The following SNX18 variants were observed in gnomAD, a reference collection of about 807,000 sequenced individuals.
SNX18 encodes sorting nexin 18.
SNX18 carries 35 observed loss-of-function variants against 48.7 expected under a neutral mutation model. The observed-to-expected ratio is 0.72, with a 90% CI of 0.55 to 0.95. SNX18 has a LOEUF of 0.95. SNX18 is among the 40% of genes least tolerant of loss of function. The probability of loss-of-function intolerance (pLI) is 0.00; values close to 1 mark genes in which losing one functional copy is unlikely to be tolerated. For synonymous variants in SNX18, 492 were observed against 384.7 expected, an observed-to-expected ratio of 1.28 and a Z score of -3.26; for missense variants, 824 against 871.0, an observed-to-expected ratio of 0.95 and a Z score of 0.68.
chr5:54,627,778 C>G, the SNX18 span, among the ~76,000 whole-genome samples: 1 of 152,160 alleles, frequency 6.6e-6, no homozygotes, highest in African/African-American at 2.4e-5. Flanking sequence ...ACTGGCCAAG[C>G]CATGCTCCCT....
chr5:54,534,880 A>G (rs540394664), intron 1 of SNX18, among the ~76,000 whole-genome samples: 1 of 151,942 alleles, frequency 6.6e-6, no homozygotes, highest in South Asian at 2.1e-4. Context: ...GAGATTCACT[A>G]CTCTCATACT....
At chr5:54,618,033 A>T in the SNX18 span, among the ~76,000 whole-genome samples, 1 of 152,186 alleles carries the variant, frequency 6.6e-6, no homozygotes, top group Non-Finnish European at 1.5e-5. Flanking sequence ...CTCATCTTGA[A>T]TTGTAGTTTC....
the SNX18 span, among the ~76,000 whole-genome samples, chr5:54,567,674 C>G: frequency 8.6e-4 from 131 of 152,282 alleles, no homozygotes; most frequent in African/African-American, 3.0e-3. Flanking sequence ...TTGAAGCACC[C>G]AAGTGTCTGC....
At chr5:54,602,259 C>T in the SNX18 span, among the ~76,000 whole-genome samples, 1 of 152,066 alleles carries the variant, frequency 6.6e-6, no homozygotes, top group Non-Finnish European at 1.5e-5. Flanking sequence ...TCACACAGGC[C>T]GCATAATATG....
the SNX18 span, among the ~76,000 whole-genome samples, chr5:54,633,380 T>G: frequency 6.6e-6 from 1 of 152,158 alleles, no homozygotes; most frequent in Non-Finnish European, 1.5e-5. Flanking sequence ...ACTTAGATCC[T>G]GAGTCTTGGT....
At chr5:54,615,775 T>C in the SNX18 span, among the ~76,000 whole-genome samples, 3 of 152,238 alleles carry the variant, frequency 2.0e-5, no homozygotes, top group African/African-American at 7.2e-5. Flanking sequence ...ATGTTATTTG[T>C]ATCTTCAATA....
chr5:54,553,762 A>G, the SNX18 span, among the ~76,000 whole-genome samples: 1 of 152,184 alleles, frequency 6.6e-6, no homozygotes, highest in Non-Finnish European at 1.5e-5. Flanking sequence ...TTATGGCCTG[A>G]GAACCTTGTC....
the SNX18 span, among the ~76,000 whole-genome samples, chr5:54,571,324 G>A: frequency 6.6e-6 from 1 of 152,112 alleles, no homozygotes; most frequent in Admixed American, 6.5e-5. Context: ...CAGGCTTGTT[G>A]GGTTTTTTTC....
At chr5:54,531,185 G>T (rs952908790) in intron 1 of SNX18, among the ~76,000 whole-genome samples, 2 of 152,068 alleles carry the variant, frequency 1.3e-5, no homozygotes, top group African/African-American at 4.8e-5. Context: ...AGTACTCCAG[G>T]GGAAGAGTTG....
chr5:54,595,447 G>A, the SNX18 span, among the ~76,000 whole-genome samples: 21,838 of 152,050 alleles, frequency 0.14, 1,943 homozygotes, highest in South Asian at 0.21. Flanking sequence ...ATATTGGCCA[G>A]GCTGGTCTCC....
At chr5:54,646,989 T>C in the SNX18 span, among the ~76,000 whole-genome samples, 1 of 152,214 alleles carries the variant, frequency 6.6e-6, no homozygotes, top group Non-Finnish European at 1.5e-5. Context: ...TGAGGCTGCC[T>C]GTAACAAGTG....
the SNX18 span, among the ~76,000 whole-genome samples, chr5:54,555,214 G>T: frequency 1.3e-5 from 2 of 152,150 alleles, no homozygotes; most frequent in African/African-American, 4.8e-5. Context: ...CCCTGTCTTG[G>T]TTAGGTGTCC....
the SNX18 span, among the ~76,000 whole-genome samples, chr5:54,623,200 T>G: frequency 6.6e-6 from 1 of 152,174 alleles, no homozygotes; most frequent in Admixed American, 6.5e-5. Flanking sequence ...AGACTCACCC[T>G]GAGGGCAGAG....
At chr5:54,609,729 T>C in the SNX18 span, among the ~76,000 whole-genome samples, 3 of 152,272 alleles carry the variant, frequency 2.0e-5, no homozygotes, top group African/African-American at 7.2e-5. Context: ...CGTGAGCCAA[T>C]ATGTCAATAA....
At chr5:54,536,903 T>C (rs1762367996) in intron 1 of SNX18, among the ~76,000 whole-genome samples, 1 of 152,190 alleles carries the variant, frequency 6.6e-6, no homozygotes, top group Non-Finnish European at 1.5e-5. Context: ...TGTTTCCTGA[T>C]TTTCTAATGA....
the SNX18 span, among the ~76,000 whole-genome samples, chr5:54,635,649 T>A: frequency 6.6e-6 from 1 of 152,146 alleles, no homozygotes; most frequent in African/African-American, 2.4e-5. Context: ...GTAGCATATG[T>A]AGTGGATGCT....
the SNX18 span, among the ~76,000 whole-genome samples, chr5:54,620,712 C>T: frequency 1.3e-5 from 2 of 152,150 alleles, no homozygotes; most frequent in Admixed American, 1.3e-4. Flanking sequence ...ATACCATAGA[C>T]TGGGTGGCTT....
the SNX18 span, among the ~76,000 whole-genome samples, chr5:54,601,958 T>A: frequency 1.3e-5 from 2 of 151,376 alleles, no homozygotes; most frequent in African/African-American, 4.9e-5. Flanking sequence ...ACGTCTGGAG[T>A]TTTTCATAAT....
At chr5:54,617,299 A>G in the SNX18 span, among the ~76,000 whole-genome samples, 1 of 152,208 alleles carries the variant, frequency 6.6e-6, no homozygotes, top group Non-Finnish European at 1.5e-5. Context: ...ACAGAACAGA[A>G]TATTGAGTGC....
Sources: gnomAD v4.1 joint callset for allele counts (sites outside exome capture counted in the v4.1 genomes callset) on GRCh38, gnomAD v4.1.1 for gene constraint, MANE v1.5 for transcripts, NCBI Gene and HGNC (gene_info 2026-07-23, HGNC 2026-07-21) for gene names.